The following TTN variants were observed in gnomAD, a reference collection of about 807,000 sequenced individuals.
TTN encodes connectin.
Under a neutral mutation model 3,223.0 loss-of-function variants are expected in TTN, and 1,525 were observed. That is an observed-to-expected ratio of 0.47 (90% CI 0.45 to 0.49). TTN has a LOEUF of 0.49. TTN is among the 20% of genes least tolerant of loss of function. The pLI is 0.00. For synonymous variants in TTN, 14,094 were observed against 15,161.0 expected, an observed-to-expected ratio of 0.93 and a Z score of 5.17; for missense variants, 40,786 against 43,424.0, an observed-to-expected ratio of 0.94 and a Z score of 5.40.
Position 178,557,461 on chromosome 2 carries a change from A to G in TTN, c.87801T>C (p.Ser29267=), listed in dbSNP as rs755829125. 6.2e-7 allele frequency: 1 copy of G among 1,613,926 alleles called. No homozygotes were observed. Among genetic ancestry groups the G allele is most frequent in the East Asian group, 2.2e-5 (1 of 44,838 alleles). The change falls in exon 329 of 363, where the codon AGT becomes AGC. Residue 29267 remains serine (S), a synonymous_variant. Transcript: ENST00000589042. ...TTTCCAGGTGATAGCCTACGACTGC[A>G]CTGCCTCCATTTGACACTGGTTCAT... ...GWHEPVSNGG[S]AVVGYHLEMK... is the part of the protein sequence containing the mutation.
chr2:178,764,778 T>C lies in TTN; in HGVS notation c.9737A>G (p.Gln3246Arg). The change falls in exon 42 of 363, where the codon CAG becomes CGG. Residue 3246 changes from glutamine (Q) to arginine (R), a missense_variant. Transcript: ENST00000589042. Reference protein sequence around the residue: ...PEPPQVLQELQPVTVQSGKPA... With the variant: ...PEPPQVLQELRPVTVQSGKPA... Reference sequence around the variant, plus strand: ...CTTGCCAGACTGCACAGTGACAGGCTGGAGCTCCTGCAGAACTTGGGGCGG... The same window carrying C: ...CTTGCCAGACTGCACAGTGACAGGCCGGAGCTCCTGCAGAACTTGGGGCGG... The C allele has an allele frequency of 6.2e-7, 1 of 1,613,696 alleles. No individual in the cohort carries two copies. The highest frequency in any genetic ancestry group is 8.5e-7 in the Non-Finnish European group (1 of 1,179,906).
chr2:178,542,165 C>A, intron 349 of TTN, 99 bp downstream of exon 349: 1 of 1,232,108 alleles, frequency 8.1e-7, no homozygotes, highest in Non-Finnish European at 1.1e-6. Context: ...ATTTTGTGAC[C>A]TATTTTTATT....
rs2092878853 is a variant in TTN, at chr2:178,782,614, C to T, written c.3101-12G>A. 1 of 1,613,616 alleles carries T rather than the reference C, an allele frequency of 6.2e-7. No homozygotes were observed. On this transcript the variant is annotated splice_polypyrimidine_tract_variant and intron_variant, in intron 18 of 362. Transcript: ENST00000589042. ...AAATTCTTCTGACACTAAAAGAAGA[C>T]AAAAGTTTCTCATTGAGATGAGATG...
In TTN at chr2:178,561,624, T is replaced by C. The variant is rs1703689855; in HGVS notation, c.84508A>G (p.Thr28170Ala). 6.2e-7 allele frequency: 1 copy of C among 1,612,490 alleles called. No homozygotes were observed. The highest frequency in any genetic ancestry group is 8.5e-7 in the Non-Finnish European group (1 of 1,179,150). ...GGCACTTGCCAGGTTACAAGCATGG[T>C]AGATTTTGTGGCATGCACAACTTTA... ...TPKVVHATKS[T>A]MLVTWQVPVN... Residue 28170 changes from threonine (T) to alanine (A), a missense_variant, in exon 326 of 363, where the codon ACC becomes GCC. Transcript: ENST00000589042.
At chr2:178,734,013 T>A in intron 52 of TTN, 121 bp from the exon 53 acceptor site, 2 of 988,168 alleles carry the variant, frequency 2.0e-6, no homozygotes, top group Non-Finnish European at 2.8e-6. Flanking sequence ...TTTCATAGTG[T>A]TAATTAGAAG....
chr2:178,615,581 A>G, intron 258 of TTN, 60 bp downstream of exon 258: 1 of 1,610,130 alleles, frequency 6.2e-7, no homozygotes, highest in African/African-American at 1.3e-5. Flanking sequence ...CTTCAACTCT[A>G]GGTCTAAAAG....
At chr2:178,625,801 A>G (rs1187106286) in intron 240 of TTN, among the ~76,000 whole-genome samples, 3 of 152,110 alleles carry the variant, frequency 2.0e-5, no homozygotes, top group South Asian at 4.1e-4. Context: ...ATGTCCAACA[A>G]TGATAGACCG....
chr2:178,706,726 G>A lies in TTN; in HGVS notation c.29148C>T (p.Thr9716=), dbSNP rs2075928379. ...SIRVVEKTTA[T]FIAKVGGDPI... ...GGTCACCTCCAACTTTTGCAATGAA[G>A]GTCGCAGTGGTTTCTAAGGAATAAT... Residue 9716 remains threonine (T), a synonymous_variant, in exon 102 of 363, where the codon ACC becomes ACT. Coordinates refer to ENST00000589042, the MANE Select transcript of TTN (RefSeq NM_001267550.2). 6.2e-7 allele frequency: 1 copy of A among 1,607,048 alleles called. No individual in the cohort carries two copies. Among genetic ancestry groups the A allele is most frequent in the African/African-American group, 1.3e-5 (1 of 74,684 alleles).
chr2:178,759,108 A>C lies in TTN; in HGVS notation c.10179T>G (p.Thr3393=), dbSNP rs2154336851. The C allele has an allele frequency of 6.2e-7, 1 of 1,614,020 alleles. No homozygotes were observed. Among genetic ancestry groups the C allele is most frequent in the Admixed American group, 1.7e-5 (1 of 60,014 alleles). ...KIKPSRFFRM[T]QFEDTYQLEI... is the part of the protein sequence containing the mutation. ...CCAGTTGATAAGTGTCTTCAAATTGAGTCATTCTAAAGAACCGAGATGGCT... is the reference window on the plus strand; with the variant it reads ...CCAGTTGATAAGTGTCTTCAAATTGCGTCATTCTAAAGAACCGAGATGGCT... The change falls in exon 44 of 363, where the codon ACT becomes ACG. Residue 3393 remains threonine (T), a synonymous_variant. Transcript: ENST00000589042.
In TTN at chr2:178,732,165, T is replaced by C; in HGVS notation, c.16804A>G (p.Arg5602Gly). ...TCTTCGATGCCAACATCTGTCAGTC[T>C]TAGAACTGCAGTAGACTCCACAAAA... ...MSFVESTAVL[R>G]LTDVGIEDSG... is the part of the protein sequence containing the mutation. Residue 5602 changes from arginine (R) to glycine (G), a missense_variant, in exon 57 of 363, where the codon AGA becomes GGA. Coordinates refer to ENST00000589042, the MANE Select transcript of TTN (RefSeq NM_001267550.2). 1 of 1,613,822 alleles carries C rather than the reference T, an allele frequency of 6.2e-7. No homozygotes were observed. Among genetic ancestry groups the C allele is most frequent in the East Asian group, 2.2e-5 (1 of 44,864 alleles).
chr2:178,571,160 A>G lies in TTN; in HGVS notation c.74972T>C (p.Ile24991Thr), dbSNP rs744427. Reference protein sequence around the residue: ...FRVSAENIVGIGKPSKVSECY... With the variant: ...FRVSAENIVGTGKPSKVSECY... ...TTCTGATACTTTACTCGGCTTGCCA[A>G]TGCCCACGATGTTCTCTGCAGAGAC... Residue 24991 changes from isoleucine to threonine, a missense_variant, in exon 326 of 363, where the codon ATT becomes ACT. Coordinates refer to ENST00000589042, the MANE Select transcript of TTN (RefSeq NM_001267550.2). 2.8e-3 allele frequency: 4,492 copies of G among 1,613,456 alleles called. 109 individuals carry two copies. The African/African-American group carries it at 0.052, about 19-fold the overall frequency.
intron 44 of TTN, 114 bp from the exon 45 acceptor site, chr2:178,758,030 C>G: frequency 9.0e-7 from 1 of 1,108,226 alleles, no homozygotes. Flanking sequence ...ATTCAGTCCA[C>G]TCCTACTGCC....
Position 178,571,515 on chromosome 2 carries a change from G to T in TTN, c.74617C>A (p.Leu24873Met). Reference protein sequence around the residue: ...VARTTIKACRLKTGCEYQFRI... With the variant: ...VARTTIKACRMKTGCEYQFRI... ...AACTGATATTCACATCCAGTCTTCA[G>T]TCTGCAAGCCTTTATTGTTGTCCTT... Residue 24873 changes from leucine to methionine, a missense_variant, in exon 326 of 363, where the codon CTG (leucine) becomes ATG (methionine). Leu to Met is a conservative substitution (Grantham distance 15). Transcript: ENST00000589042. The T allele has an allele frequency of 6.2e-7, 1 of 1,613,276 alleles. No individual in the cohort carries two copies. The highest frequency in any genetic ancestry group is 1.1e-5 in the South Asian group (1 of 91,072).
rs747828487 is a variant in TTN at position 178,773,939 on chromosome 2, T to C, written c.7229A>G (p.His2410Arg). 5.0e-6 allele frequency: 8 copies of C among 1,609,860 alleles called. No homozygotes were observed. The South Asian group carries it at 6.6e-5, about 13-fold the overall frequency. ...AGTCATGTCTTCAATGAGCAGCATA[T>C]GAGATTGTTTGTCTATCACAATGTG... is the stretch of plus-strand genomic sequence containing the variant. ...RVHIVIDKQS[H>R]MLLIEDMTKE... Residue 2410 changes from histidine (H) to arginine (R), a missense_variant, in exon 31 of 363, where the codon CAT (histidine) becomes CGT (arginine). By Grantham distance (29) the His-to-Arg change is conservative (BLOSUM62 0). Coordinates refer to ENST00000589042, the MANE Select transcript of TTN (RefSeq NM_001267550.2).
At chr2:178,805,638 T>A (rs1426238371) in intron 1 of TTN, among the ~76,000 whole-genome samples, 1 of 152,210 alleles carries the variant, frequency 6.6e-6, no homozygotes, top group Non-Finnish European at 1.5e-5. Context: ...ATACTGTAAC[T>A]GTGCAGTAAA....
intron 328 of TTN, 41 bp downstream of exon 328, chr2:178,557,605 TGG>T (rs1169058061): frequency 6.2e-7 from 1 of 1,612,648 alleles, no homozygotes; most frequent in South Asian, 1.1e-5. Context: ...AACACATTTA[TGG>T]TAAAAGAAAA....
rs1164046049 is a variant in TTN at position 178,562,353 on chromosome 2, T to G, written c.83779A>C (p.Thr27927Pro). The G allele has an allele frequency of 3.1e-6, 5 of 1,610,848 alleles. No individual in the cohort carries two copies. In the African/African-American group the frequency reaches 6.7e-5, roughly 22 times the overall value. ...KTLEATISGL[T>P]AGEEYVFRVA... ...CTGAAGACATACTCTTCTCCTGCAG[T>G]TAAGCCAGATATAGTTGCTTCTAGA... The change falls in exon 326 of 363, where the codon ACT (threonine) becomes CCT (proline). Residue 27927 changes from threonine to proline, a missense_variant. Physicochemically the swap from Thr to Pro is conservative, Grantham distance 38. Coordinates refer to ENST00000589042, the MANE Select transcript of TTN (RefSeq NM_001267550.2).
In TTN at chr2:178,609,512, T is replaced by G. The variant is rs146627705; in HGVS notation, c.51798A>C (p.Ala17266=). 6.2e-7 allele frequency: 1 copy of G among 1,612,560 alleles called. No individual in the cohort carries two copies. Among genetic ancestry groups the G allele is most frequent in the Non-Finnish European group, 8.5e-7 (1 of 1,179,118 alleles). The part of the protein sequence containing the change: ...SLEVKRGDEI[A]LDASISGSPY... ...GTGATCCAGAAATACTTGCATCAAG[T>G]GCTATTTCATCACCTCGTTTCACTT... Residue 17266 remains alanine (A), a synonymous_variant, in exon 273 of 363, where the codon GCA becomes GCC. Transcript: ENST00000589042.
In TTN at chr2:178,776,916, C is replaced by G. The variant is rs367606285; in HGVS notation, c.4948G>C (p.Glu1650Gln). 1.3e-5 allele frequency: 21 copies of G among 1,613,160 alleles called. No individual in the cohort carries two copies. The highest frequency in any genetic ancestry group is 2.2e-5 in the South Asian group (2 of 91,004). ...CTCTCTGGCTCAGGCTCTGCAAACTCAACTTCAACATTTACTTTGCATCTT... is the reference window on the plus strand; with the variant it reads ...CTCTCTGGCTCAGGCTCTGCAAACTGAACTTCAACATTTACTTTGCATCTT... Reference protein sequence around the residue: ...TTRCKVNVEVEFAEPEPERKL... With the variant: ...TTRCKVNVEVQFAEPEPERKL... The change falls in exon 28 of 363, where the codon GAG (glutamate) becomes CAG (glutamine). Residue 1650 changes from glutamate to glutamine, a missense_variant. Coordinates refer to ENST00000589042, the MANE Select transcript of TTN (RefSeq NM_001267550.2).
Sources: allele counts gnomAD v4.1 joint callset (sites outside exome capture counted in the v4.1 genomes callset), GRCh38; gene constraint gnomAD v4.1.1; transcripts MANE v1.5; gene names NCBI Gene and HGNC (gene_info 2026-07-23, HGNC 2026-07-21).